The following KCNT1 variants were observed in gnomAD, a reference collection of about 807,000 sequenced individuals.
KCNT1 encodes the protein potassium channel subfamily T member 1.
KCNT1 carries 78 observed loss-of-function variants against 147.8 expected under a neutral mutation model. The observed-to-expected ratio is 0.53, with a 90% confidence interval of 0.44 to 0.64. The LOEUF (loss-of-function observed/expected upper bound fraction) is 0.64, where lower values mean the gene tolerates loss of function less well. KCNT1 is among the 30% of genes least tolerant of loss of function. The pLI, the probability that KCNT1 is intolerant of heterozygous loss-of-function variation, is 0.00. For synonymous variants in KCNT1, 867 were observed against 748.8 expected, an observed-to-expected ratio of 1.16 and a Z score of -2.58; for missense variants, 1,419 against 1,750.3, an observed-to-expected ratio of 0.81 and a Z score of 3.38.
chr9:135,726,256 G>A (rs936119393), intron 2 of KCNT1, among the ~76,000 whole-genome samples: 4 of 152,052 alleles, frequency 2.6e-5, no homozygotes, highest in African/African-American at 7.2e-5. Flanking sequence ...AGCACTACGT[G>A]GCACAGGGCC....
Position 135,781,989 on chromosome 9 carries a change from G to A in KCNT1, c.2842-2035G>A, listed in dbSNP as rs568571635. Among the ~76,000 whole-genome samples the A allele has an allele frequency of 9.8e-5, 15 of 152,306 alleles. No individual in the cohort carries two copies. In the South Asian group the frequency reaches 1.0e-3, roughly 11 times the overall value. On this transcript the variant is annotated intron_variant, in intron 24 of 30. Coordinates refer to ENST00000371757, the MANE Select transcript of KCNT1 (RefSeq NM_020822.3). ...AGCACTTTGGGAGGCTAAGGCGGAC[G>A]GATCACCTGAGGTCAGGAGTTCGAG...
intron 30 of KCNT1, 21 bp downstream of exon 30, chr9:135,791,902 G>A: frequency 6.2e-7 from 1 of 1,612,328 alleles, no homozygotes; most frequent in Non-Finnish European, 8.5e-7. Flanking sequence ...CCTGTGGGCT[G>A]TGTGGAGACC....
chr9:135,792,303 A>T lies in KCNT1; in HGVS notation c.*142A>T. 2 of 1,125,632 alleles carry T rather than the reference A, an allele frequency of 1.8e-6. No individual in the cohort carries two copies. Among genetic ancestry groups the T allele is most frequent in the Non-Finnish European group, 2.4e-6 (2 of 820,954 alleles). 69.7% of individuals were successfully genotyped at this position (1,125,632 alleles called of 1,614,324 possible). A position where few individuals can be genotyped will look rare whatever the true frequency, so the allele number is the denominator to read the frequency against. On this transcript the variant is annotated 3_prime_UTR_variant, in exon 31 of 31. Coordinates refer to ENST00000371757, the MANE Select transcript of KCNT1 (RefSeq NM_020822.3). ...CATGGCTCCTGGGACTCCACCCTGG[A>T]AAGGAGCCCCTCATGCGGGGGGAGG...
chr9:135,782,090 G>T (rs1833650615), intron 24 of KCNT1, among the ~76,000 whole-genome samples: 1 of 152,200 alleles, frequency 6.6e-6, no homozygotes, highest in Admixed American at 6.5e-5. Context: ...TGTAACCCCA[G>T]CTACTTGGGA....
intron 7 of KCNT1, 87 bp downstream of exon 7, chr9:135,757,019 T>TCTCCCCACCCTCTCCA: frequency 1.5e-6 from 1 of 671,570 alleles, no homozygotes; most frequent in Non-Finnish European, 2.1e-6. Context: ...CACCCTCTCC[T>TCTCCCCACCCTCTCCA]ATTTCCCCAC....
At chr9:135,779,970 G>A (rs962504600) in intron 24 of KCNT1, among the ~76,000 whole-genome samples, 7 of 152,258 alleles carry the variant, frequency 4.6e-5, no homozygotes, top group African/African-American at 9.6e-5. Flanking sequence ...GACAAGGGAC[G>A]GAGGGCCTGA....
At position 135,714,754 on chromosome 9, in the gene KCNT1, G is replaced by C. The variant is rs745942643; in HGVS notation, c.254+34G>C. 293 of 1,221,452 alleles carry C rather than the reference G, an allele frequency of 2.4e-4. No individual in the cohort carries two copies. Among genetic ancestry groups the C allele is most frequent in the Non-Finnish European group, 2.9e-4 (282 of 967,226 alleles). 75.7% of individuals were successfully genotyped at this position (1,221,452 alleles called of 1,614,324 possible). ...CGGGCGCGGGGTGGGGGCTGGGGTC[G>C]CCGTCCCGGCGCCGCCGCACGCCCG... On this transcript the variant is annotated intron_variant, in intron 2 of 30. Coordinates refer to ENST00000371757, the MANE Select transcript of KCNT1 (RefSeq NM_020822.3). The surrounding 1 kb of genome is among the most constrained non-coding windows in gnomAD (Gnocchi z 6.2).
At chr9:135,756,753 C>CA in intron 6 of KCNT1, 120 bp from the exon 7 acceptor site, 1 of 850,382 alleles carries the variant, frequency 1.2e-6, no homozygotes, top group Admixed American at 1.7e-5. Flanking sequence ...GAGTGAGGGT[C>CA]AAGGCAGACC....
At chr9:135,754,089 G>C (rs1831345020) in intron 5 of KCNT1, 96 bp downstream of exon 5, 2 of 1,130,680 alleles carry the variant, frequency 1.8e-6, no homozygotes, top group Non-Finnish European at 2.7e-6. Context: ...CAATAGCCAG[G>C]CGCTCAGAGG....
chr9:135,716,471 T>C (rs1288699525), intron 2 of KCNT1, among the ~76,000 whole-genome samples: 1 of 152,104 alleles, frequency 6.6e-6, no homozygotes, highest in Non-Finnish European at 1.5e-5. Flanking sequence ...TGTGGTAAAA[T>C]ACATAAAACA....
At chr9:135,778,874 C>A (rs777180531) in intron 23 of KCNT1, 52 bp downstream of exon 23, 2 of 1,592,726 alleles carry the variant, frequency 1.3e-6, no homozygotes, top group South Asian at 2.2e-5. Context: ...GCCACGACCA[C>A]GGGCCCTCGC....
intron 17 of KCNT1, 69 bp from the exon 18 acceptor site, chr9:135,770,788 A>G: frequency 1.4e-6 from 2 of 1,384,790 alleles, no homozygotes; most frequent in Non-Finnish European, 2.0e-6. Flanking sequence ...GATTTGCAGG[A>G]AGGGCAGGCA....
At chr9:135,702,424 C>T in intron 1 of KCNT1, 56 bp downstream of exon 1, 1 of 1,367,326 alleles carries the variant, frequency 7.3e-7, no homozygotes, top group Non-Finnish European at 1.0e-6. Flanking sequence ...CCTAAGACCC[C>T]CAAGTTCCCC....
chr9:135,784,346 C>T (rs1310047608), intron 25 of KCNT1, among the ~76,000 whole-genome samples, 189 bp from the exon 26 acceptor site: 2 of 152,156 alleles, frequency 1.3e-5, no homozygotes, highest in African/African-American at 4.8e-5. Flanking sequence ...AAAGGCCTCC[C>T]AGAACTCTGC....
chr9:135,771,252 C>A, intron 18 of KCNT1, 157 bp downstream of exon 18: 1 of 675,750 alleles, frequency 1.5e-6, no homozygotes, highest in Non-Finnish European at 2.5e-6. Flanking sequence ...GGGCAGGTGA[C>A]CAGGTGGGAC....
At chr9:135,723,757 C>T (rs1242526436) in intron 2 of KCNT1, among the ~76,000 whole-genome samples, 1 of 152,206 alleles carries the variant, frequency 6.6e-6, no homozygotes, top group Non-Finnish European at 1.5e-5. Context: ...GCCAGTCTGG[C>T]AAGTCCATCA....
At position 135,758,479 on chromosome 9, in the gene KCNT1, C is replaced by T. The variant is rs558348038; in HGVS notation, c.825C>T (p.Phe275=). 18 of 1,613,734 alleles carry T rather than the reference C, an allele frequency of 1.1e-5. No homozygotes were observed. The South Asian group carries it at 1.5e-4, about 14-fold the overall frequency. Residue 275 remains phenylalanine, a synonymous_variant, in exon 10 of 31, where the codon TTC becomes TTT. Transcript: ENST00000371757. ...SAMFNQVLIL[F]CTLLCLVFTG... is the part of the protein sequence containing the mutation. ...TGTTCAACCAGGTCCTCATCCTCTT[C>T]TGCACCCTGCTGTGCCTCGTTTTCA...
chr9:135,769,292 G>A (rs1832577471), intron 15 of KCNT1, among the ~76,000 whole-genome samples: 1 of 151,592 alleles, frequency 6.6e-6, no homozygotes, highest in Non-Finnish European at 1.5e-5. Flanking sequence ...GGTGCGTCTG[G>A]GGCAGGGCGC....
At position 135,754,284 on chromosome 9, in the gene KCNT1, G is replaced by C. The variant is rs1271731864; in HGVS notation, c.491+291G>C. Among the ~76,000 whole-genome samples the C allele has an allele frequency of 5.3e-5, 8 of 152,326 alleles. No individual in the cohort carries two copies. The East Asian group carries it at 1.4e-3, about 26-fold the overall frequency. On this transcript the variant is annotated intron_variant, in intron 5 of 30. Coordinates refer to ENST00000371757, the MANE Select transcript of KCNT1 (RefSeq NM_020822.3). ...CCAGGACACATGTGCCCTTAGCCCT[G>C]GCTGTGGTCAATGCTGGGAATGTCC... is the stretch of plus-strand genomic sequence containing the variant.
Sources: gnomAD v4.1 joint callset for allele counts (sites outside exome capture counted in the v4.1 genomes callset) on GRCh38, gnomAD v4.1.1 for gene constraint, Gnocchi (gnomAD v3.1) non-coding constraint, MANE v1.5 for transcripts, NCBI Gene and HGNC (gene_info 2026-07-23, HGNC 2026-07-21) for gene names.